EFHC2: variants seen among roughly 807,000 people sequenced by gnomAD.
EFHC2 encodes the protein EF-hand domain containing 2.
A neutral mutation model predicts 52.7 loss-of-function variants in EFHC2; 18 were observed. The observed-to-expected ratio is 0.34, with a 90% confidence interval of 0.24 to 0.51. The LOEUF (loss-of-function observed/expected upper bound fraction) is 0.51. Among genes scored for constraint, EFHC2 ranks in the 20% least tolerant of loss-of-function variants. The pLI is 0.97. For missense variants in EFHC2, 513 were observed against 562.5 expected (o/e 0.91, Z 0.89); for synonymous variants, 203 against 204.1 (o/e 0.99, Z 0.04).
In EFHC2 at chrX:44,208,226, G is replaced by A. The variant is rs773704921; in HGVS notation, c.1751+21423C>T. On this transcript the variant is annotated intron_variant, in intron 11 of 14. Transcript: ENST00000420999. ...GCACCTAGGTTGATTCTATGAGGTG[G>A]TTATTGTGAATACCACTTTTATAAA... Among the ~76,000 whole-genome samples, 23 of 112,169 alleles carry A rather than the reference G, an allele frequency of 2.1e-4. 1 individual carries two copies. The highest frequency in any genetic ancestry group is 3.9e-4 in the Non-Finnish European group (21 of 53,253).
At chrX:44,262,512 C>CAAAAAAAAAA (rs749239313) in intron 3 of EFHC2, among the ~76,000 whole-genome samples, 63 of 28,848 alleles carry the variant, frequency 2.2e-3, no homozygotes, top group East Asian at 2.8e-3. Context: ...AGCCCTGTCT[C>CAAAAAAAAAA]AAAAAAAAAA....
intron 14 of EFHC2, among the ~76,000 whole-genome samples, chrX:44,163,488 C>T (rs749338316): frequency 8.1e-5 from 9 of 111,731 alleles, no homozygotes; most frequent in East Asian, 2.8e-4. Flanking sequence ...ATGTGCATCC[C>T]CATTCTCTAT....
intron 3 of EFHC2, among the ~76,000 whole-genome samples, chrX:44,267,801 T>C (rs1212313498): frequency 8.9e-6 from 1 of 112,139 alleles, no homozygotes; most frequent in East Asian, 2.8e-4. Context: ...CACTGACGTC[T>C]GAACCACTGG....
intron 2 of EFHC2, among the ~76,000 whole-genome samples, chrX:44,275,361 G>C (rs780052942): frequency 9.1e-5 from 10 of 110,191 alleles, no homozygotes; most frequent in African/African-American, 3.0e-4. Flanking sequence ...GTCAGAATGA[G>C]GTAGAGATGG....
chrX:44,255,060 G>A (rs770768367), intron 4 of EFHC2, among the ~76,000 whole-genome samples: 44 of 112,129 alleles, frequency 3.9e-4, no homozygotes, highest in Non-Finnish European at 4.9e-4. Flanking sequence ...ATCCTTTACA[G>A]ATAAGCAAAT....
chrX:44,207,511 TA>T (rs765899710), intron 11 of EFHC2, among the ~76,000 whole-genome samples: 225 of 94,029 alleles, frequency 2.4e-3, no homozygotes, highest in Admixed American at 2.1e-3. Flanking sequence ...ACTCCGTCTC[TA>T]AAAAAAAAAA....
chrX:44,342,199 C>T (rs776650408), intron 1 of EFHC2, among the ~76,000 whole-genome samples: 11 of 112,268 alleles, frequency 9.8e-5, no homozygotes, highest in Non-Finnish European at 1.7e-4. Flanking sequence ...GTTGGACTGA[C>T]CAGACGTGTA....
At chrX:44,230,807 C>T (rs1053232404) in intron 10 of EFHC2, among the ~76,000 whole-genome samples, 1 of 111,436 alleles carries the variant, frequency 9.0e-6, no homozygotes, top group African/African-American at 3.3e-5. Flanking sequence ...CTCTAATTTA[C>T]AATAGCAACA....
intron 11 of EFHC2, among the ~76,000 whole-genome samples, chrX:44,193,177 A>G (rs1203674069): frequency 9.0e-6 from 1 of 110,743 alleles, no homozygotes; most frequent in Non-Finnish European, 1.9e-5. Context: ...TCTATTGGTA[A>G]TAACTCTTTC....
At chrX:44,341,394 G>A (rs749845686) in intron 1 of EFHC2, among the ~76,000 whole-genome samples, 2 of 112,247 alleles carry the variant, frequency 1.8e-5, no homozygotes, top group African/African-American at 3.2e-5. Flanking sequence ...ATTTTTATTC[G>A]CTAAATCTGG....
chrX:44,307,808 C>A (rs1486933804), intron 2 of EFHC2, among the ~76,000 whole-genome samples: 1 of 110,730 alleles, frequency 9.0e-6, no homozygotes, highest in African/African-American at 3.3e-5. Context: ...GTGGCACATA[C>A]CTGCAGTCCC....
chrX:44,317,432 T>C (rs2037990384), intron 1 of EFHC2, among the ~76,000 whole-genome samples: 1 of 112,538 alleles, frequency 8.9e-6, no homozygotes, highest in Admixed American at 9.4e-5. Flanking sequence ...GATATACAAA[T>C]GGCCAACAAG....
intron 1 of EFHC2, among the ~76,000 whole-genome samples, chrX:44,314,369 G>A (rs1386100062): frequency 3.6e-5 from 4 of 112,177 alleles, no homozygotes; most frequent in Non-Finnish European, 7.5e-5. Context: ...GTCTGATAAG[G>A]TCAAAAATAC....
intron 4 of EFHC2, among the ~76,000 whole-genome samples, chrX:44,260,397 C>A (rs910625316): frequency 3.6e-5 from 4 of 111,580 alleles, no homozygotes; most frequent in Non-Finnish European, 7.5e-5. Context: ...CCTTCCACCC[C>A]CCTTTGAGTG....
Position 44,178,509 on chromosome X carries a change from T to C in EFHC2, c.1807A>G (p.Ile603Val). 8.3e-7 allele frequency: 1 copy of C among 1,204,272 alleles called. No homozygotes were observed. Among genetic ancestry groups the C allele is most frequent in the South Asian group, 1.9e-5 (1 of 53,861 alleles). ...TCAGGCACACGGTAGTGACGTGCAATGGTTACAAATTCTTGCTCTGCAAGG... is the reference window on the plus strand; with the variant it reads ...TCAGGCACACGGTAGTGACGTGCAACGGTTACAAATTCTTGCTCTGCAAGG... ...GNLAEQEFVT[I>V]ARHYRVPEGT... The change falls in exon 12 of 15, where the codon ATT (isoleucine) becomes GTT (valine). Residue 603 changes from isoleucine (I) to valine (V), a missense_variant. Coordinates refer to ENST00000420999, the MANE Select transcript of EFHC2 (RefSeq NM_025184.4).
At chrX:44,294,367 A>T (rs911367257) in intron 2 of EFHC2, among the ~76,000 whole-genome samples, 2 of 109,446 alleles carry the variant, frequency 1.8e-5, no homozygotes, top group African/African-American at 6.7e-5. Context: ...AATATTTTTT[A>T]AAAGCTGGAT....
chrX:44,168,011 G>A (rs886594912), intron 13 of EFHC2, among the ~76,000 whole-genome samples: 2 of 111,615 alleles, frequency 1.8e-5, no homozygotes, highest in Admixed American at 1.9e-4. Context: ...GAGAAGAGAC[G>A]TCAAACTCTT....
intron 11 of EFHC2, among the ~76,000 whole-genome samples, chrX:44,209,563 T>C (rs924074763): frequency 2.7e-5 from 3 of 110,603 alleles, no homozygotes; most frequent in African/African-American, 9.9e-5. Context: ...TTTAAAACAT[T>C]ATATTTATGA....
At chrX:44,232,853 C>T (rs747994461) in intron 9 of EFHC2, among the ~76,000 whole-genome samples, 176 bp from the exon 10 acceptor site, 1 of 111,153 alleles carries the variant, frequency 9.0e-6, no homozygotes, top group South Asian at 3.8e-4. Context: ...AGAAATAAGA[C>T]TTCCTAGGTG....
Sources: allele counts gnomAD v4.1 joint callset (sites outside exome capture counted in the v4.1 genomes callset), GRCh38; gene constraint gnomAD v4.1.1; transcripts MANE v1.5; gene names NCBI Gene and HGNC (gene_info 2026-07-23, HGNC 2026-07-21).